The following MYO5C variants were observed in gnomAD, a reference collection of about 807,000 sequenced individuals.
MYO5C encodes myosin VC.
A neutral mutation model predicts 235.7 loss-of-function variants in MYO5C; 194 were observed. The observed-to-expected ratio is 0.82, with a 90% confidence interval of 0.73 to 0.93. The LOEUF (loss-of-function observed/expected upper bound fraction) is 0.93, where lower values mean the gene tolerates loss of function less well. MYO5C is among the 40% of genes least tolerant of loss of function. MYO5C has a pLI of 0.00. For missense variants in MYO5C, 2,038 were observed against 2,127.2 expected, an observed-to-expected ratio of 0.96 and a Z score of 0.82; for synonymous variants, 707 against 754.8, an observed-to-expected ratio of 0.94 and a Z score of 1.04.
In MYO5C at chr15:52,261,066, G is replaced by A; in HGVS notation, c.1109C>T (p.Ala370Val). The A allele has an allele frequency of 6.2e-7, 1 of 1,614,228 alleles. No homozygotes were observed. The highest frequency in any genetic ancestry group is 2.2e-5 in the East Asian group (1 of 44,882). ...GATTTTGCGATTGCACAGCCACTGA[G>A]CAACTCTGCCACTCTCCAGGCCCAG... ...ELLGLESGRV[A>V]QWLCNRKIVT... The change falls in exon 10 of 41, where the codon GCT (alanine) becomes GTT (valine). Residue 370 changes from alanine (A) to valine (V), a missense_variant. Ala to Val is a moderately conservative substitution (Grantham distance 64, BLOSUM62 0). Coordinates refer to ENST00000261839, the MANE Select transcript of MYO5C (RefSeq NM_018728.4).
In MYO5C at chr15:52,275,417, C is replaced by G. The variant is rs968751495; in HGVS notation, c.606+145G>C. ...TGCCCCCATCTCCTTCAAATCCCAC[C>G]AGCAAATAGGCTTCCCGGGTCTTTC... is the stretch of plus-strand genomic sequence containing the variant. On this transcript the variant is annotated intron_variant, in intron 5 of 40. Transcript: ENST00000261839. 3 of 952,870 alleles carry G rather than the reference C, an allele frequency of 3.1e-6. No individual in the cohort carries two copies. In the African/African-American group the frequency reaches 4.9e-5, roughly 16 times the overall value. 59.0% of individuals were successfully genotyped at this position (952,870 alleles called of 1,614,324 possible).
In MYO5C at chr15:52,251,523, AG is replaced by A; in HGVS notation, c.1537-9del. ...ATCAGTTCCATGTGGTAACTGGAAA[AG>A]AAAAATAAACCAAATAGCAAGTAAG... On this transcript the variant is annotated splice_polypyrimidine_tract_variant and intron_variant, in intron 12 of 40. Coordinates refer to ENST00000261839, the MANE Select transcript of MYO5C (RefSeq NM_018728.4). The A allele has an allele frequency of 4.4e-6, 7 of 1,588,074 alleles. No homozygotes were observed. The highest frequency in any genetic ancestry group is 5.1e-6 in the Non-Finnish European group (6 of 1,167,058).
chr15:52,220,703 T>TGTA (rs919160736), intron 30 of MYO5C, among the ~76,000 whole-genome samples: 1 of 151,054 alleles, frequency 6.6e-6, no homozygotes, highest in Non-Finnish European at 1.5e-5. Flanking sequence ...GGTGGGTGCC[T>TGTA]GTAATTTGAT....
In MYO5C at chr15:52,239,850, T is replaced by C. The variant is rs1433524221; in HGVS notation, c.2586A>G (p.Leu862=). ...KMLEEHKAVI[L]QKYARAWLAR... ...CCAGCCACGCCCGTGCGTATTTCTGTAGGATCACAGCCTTATGTTCCTCCA... is the reference window on the plus strand; with the variant it reads ...CCAGCCACGCCCGTGCGTATTTCTGCAGGATCACAGCCTTATGTTCCTCCA... The change falls in exon 21 of 41, where the codon CTA becomes CTG. Residue 862 remains leucine (L), a synonymous_variant. Transcript: ENST00000261839. 1 of 1,613,594 alleles carries C rather than the reference T, an allele frequency of 6.2e-7. No individual in the cohort carries two copies. Among genetic ancestry groups the C allele is most frequent in the South Asian group, 1.1e-5 (1 of 90,938 alleles).
chr15:52,269,386 AT>A (rs71130145), intron 8 of MYO5C, among the ~76,000 whole-genome samples: 1,775 of 103,970 alleles, frequency 0.017, 36 homozygotes, highest in African/African-American at 0.054. Context: ...CCACCTTTTA[AT>A]TTTTTTTTTT....
intron 21 of MYO5C, among the ~76,000 whole-genome samples, chr15:52,238,796 C>T (rs970977784): frequency 6.6e-6 from 1 of 151,720 alleles, no homozygotes; most frequent in Admixed American, 6.6e-5. Context: ...CGCCCGCCAC[C>T]ACGCCCGGCT....
chr15:52,230,953 A>C (rs2035939341), intron 24 of MYO5C, among the ~76,000 whole-genome samples: 1 of 149,910 alleles, frequency 6.7e-6, no homozygotes, highest in South Asian at 2.1e-4. Flanking sequence ...TCAGCCTCCC[A>C]AGTAGCTGGG....
chr15:52,232,150 AAGGAAGGAAAGGAAGGGAAGGAAGGG>A (rs1302640097), intron 24 of MYO5C, among the ~76,000 whole-genome samples: 1 of 55,180 alleles, frequency 1.8e-5, no homozygotes, highest in African/African-American at 3.5e-5. Context: ...AGAGGAAGGA[AAGGAAGGAAAGGAAGGGAAGGAAGGG>A]AGGAAGGGAG....
At chr15:52,266,791 C>T (rs538376826) in intron 8 of MYO5C, among the ~76,000 whole-genome samples, 96 of 152,274 alleles carry the variant, frequency 6.3e-4, no homozygotes, top group African/African-American at 2.2e-3. Context: ...CAGAGAAGTC[C>T]CTGATGACCT....
chr15:52,202,277 T>C (rs2035205936), intron 38 of MYO5C, among the ~76,000 whole-genome samples: 1 of 152,100 alleles, frequency 6.6e-6, no homozygotes, highest in African/African-American at 2.4e-5. Flanking sequence ...CTCAGGAGGC[T>C]GCGGCAGAAG....
chr15:52,193,856 C>T lies in MYO5C; in HGVS notation c.*46G>A, dbSNP rs746540805. On this transcript the variant is annotated 3_prime_UTR_variant, in exon 41 of 41. Transcript: ENST00000261839. ...AATAAAACACATCCCTCATATTGAA[C>T]CTTCACTTAGCTTTTGAAGAAAAAG... 13 of 1,579,712 alleles carry T rather than the reference C, an allele frequency of 8.2e-6. No homozygotes were observed. Among genetic ancestry groups the T allele is most frequent in the Non-Finnish European group, 1.1e-5 (13 of 1,166,292 alleles).
At position 52,264,300 on chromosome 15, in the gene MYO5C, AAAAC is replaced by A. The variant is rs1566985798; in HGVS notation, c.941-8_941-5del. 1 of 1,609,646 alleles carries A rather than the reference AAAAC, an allele frequency of 6.2e-7. No homozygotes were observed. The highest frequency in any genetic ancestry group is 1.3e-5 in the African/African-American group (1 of 74,922). ...ATCTGAAAATCCTCCTTGAAACCTA[AAAAC>A]AAACATTTTCCCAGATTAGAATACT... On this transcript the variant is annotated splice_region_variant and splice_polypyrimidine_tract_variant and intron_variant, in intron 8 of 40. Coordinates refer to ENST00000261839, the MANE Select transcript of MYO5C (RefSeq NM_018728.4).
At chr15:52,231,519 T>C (rs2035949776) in intron 24 of MYO5C, among the ~76,000 whole-genome samples, 1 of 152,184 alleles carries the variant, frequency 6.6e-6, no homozygotes, top group Admixed American at 6.5e-5. Flanking sequence ...AATTATATTT[T>C]TCTAGGTAAA....
chr15:52,224,884 TGAG>T lies in MYO5C; in HGVS notation c.3446+14_3446+16del. 2 of 1,602,298 alleles carry T rather than the reference TGAG, an allele frequency of 1.2e-6. No homozygotes were observed. Among genetic ancestry groups the T allele is most frequent in the Non-Finnish European group, 1.7e-6 (2 of 1,172,726 alleles). On this transcript the variant is annotated intron_variant, in intron 28 of 40. Coordinates refer to ENST00000261839, the MANE Select transcript of MYO5C (RefSeq NM_018728.4). ...ATCTCTGAAAAATAAAGAAGATCCC[TGAG>T]GAGAATTTCTAACCGTGTTGCTTTC...
rs762697903 is a variant in MYO5C at position 52,218,534 on chromosome 15, G to A, written c.3939C>T (p.Leu1313=). Residue 1313 remains leucine (L), a synonymous_variant, in exon 32 of 41, where the codon CTC becomes CTT. Coordinates refer to ENST00000261839, the MANE Select transcript of MYO5C (RefSeq NM_018728.4). ...GACTTCTCACCCTGTTTTCCAAAGT[G>A]AGCCGGGATGCTTCCTGCCGGAAGT... is the stretch of plus-strand genomic sequence containing the variant. ...KCNFRQEASR[L]TLENRDLEEE... is the part of the protein sequence containing the mutation. 4.3e-6 allele frequency: 7 copies of A among 1,614,074 alleles called. No individual in the cohort carries two copies. The highest frequency in any genetic ancestry group is 2.2e-5 in the South Asian group (2 of 91,076).
chr15:52,255,583 G>A (rs1250919595), intron 11 of MYO5C, among the ~76,000 whole-genome samples: 3 of 152,222 alleles, frequency 2.0e-5, no homozygotes, highest in African/African-American at 7.2e-5. Flanking sequence ...GGCCAATGTA[G>A]AAAGATGTTC....
chr15:52,213,528 A>G, intron 33 of MYO5C: 1 of 393,690 alleles, frequency 2.5e-6, no homozygotes, highest in South Asian at 3.7e-5. Context: ...GAAGAGCCTT[A>G]TGAGTGCCTG....
intron 4 of MYO5C, chr15:52,277,293 T>C (rs2037073940): frequency 3.7e-5 from 19 of 515,700 alleles, no homozygotes; most frequent in South Asian, 2.8e-4. Context: ...ACTGGCTCTT[T>C]AGGGCTGAAG....
intron 25 of MYO5C, among the ~76,000 whole-genome samples, chr15:52,227,120 A>C (rs1321424332): frequency 6.6e-6 from 1 of 151,464 alleles, no homozygotes; most frequent in African/African-American, 2.4e-5. Context: ...ATTGCACTCC[A>C]GCCTGGGTGA....
Sources: gnomAD v4.1 joint callset for allele counts (sites outside exome capture counted in the v4.1 genomes callset) on GRCh38, gnomAD v4.1.1 for gene constraint, MANE v1.5 for transcripts, NCBI Gene and HGNC (gene_info 2026-07-23, HGNC 2026-07-21) for gene names.